The following CADPS2 variants were observed in gnomAD, a reference collection of about 807,000 sequenced individuals.
CADPS2 encodes the protein calcium-dependent secretion activator 2.
A neutral mutation model predicts 172.5 loss-of-function variants in CADPS2; 93 were observed. That is an observed-to-expected ratio of 0.54 (90% CI 0.46 to 0.64). CADPS2 has a LOEUF of 0.64. CADPS2 is among the 30% of genes least tolerant of loss of function. CADPS2 has a pLI of 0.00. For missense variants in CADPS2, 1,420 were observed against 1,565.9 expected (o/e 0.91, Z 1.57); for synonymous variants, 546 against 555.2 (o/e 0.98, Z 0.23).
intron 22 of CADPS2, among the ~76,000 whole-genome samples, chr7:122,390,355 C>A (rs746361739): frequency 1.3e-5 from 2 of 152,012 alleles, no homozygotes; most frequent in Non-Finnish European, 2.9e-5. Flanking sequence ...CAAAATCTCC[C>A]TTCACATCCA....
chr7:122,554,333 A>G (rs2064735799), intron 8 of CADPS2, among the ~76,000 whole-genome samples: 1 of 152,122 alleles, frequency 6.6e-6, no homozygotes, highest in South Asian at 2.1e-4. Context: ...ATATCGTGGT[A>G]GCTCGCATAC....
chr7:122,516,552 T>C (rs945411857), intron 8 of CADPS2, among the ~76,000 whole-genome samples: 3 of 151,192 alleles, frequency 2.0e-5, no homozygotes, highest in African/African-American at 7.3e-5. Flanking sequence ...AGTAAATACA[T>C]GAAGAAGGAA....
At chr7:122,779,306 C>G (rs544242900) in intron 1 of CADPS2, among the ~76,000 whole-genome samples, 3 of 152,280 alleles carry the variant, frequency 2.0e-5, no homozygotes, top group Non-Finnish European at 4.4e-5. Flanking sequence ...CTTCAGGCTG[C>G]AGGCCAACTA....
chr7:122,626,975 ACTGTT>A (rs969117818), intron 4 of CADPS2, among the ~76,000 whole-genome samples: 6 of 152,120 alleles, frequency 3.9e-5, no homozygotes, highest in African/African-American at 1.4e-4. Flanking sequence ...CTGTAGTTTC[ACTGTT>A]ATTATATTGT....
chr7:122,541,275 C>A (rs1227400053), intron 8 of CADPS2, among the ~76,000 whole-genome samples: 2 of 149,640 alleles, frequency 1.3e-5, no homozygotes, highest in East Asian at 3.9e-4. Flanking sequence ...CGGCTCACTG[C>A]AACCTCCACC....
At chr7:122,722,273 G>C (rs2090511058) in intron 2 of CADPS2, among the ~76,000 whole-genome samples, 1 of 152,058 alleles carries the variant, frequency 6.6e-6, no homozygotes, top group African/African-American at 2.4e-5. Flanking sequence ...CAGATGACAT[G>C]ATTGTATATC....
At chr7:122,666,741 T>C (rs2081233227) in intron 2 of CADPS2, among the ~76,000 whole-genome samples, 1 of 152,162 alleles carries the variant, frequency 6.6e-6, no homozygotes, top group Admixed American at 6.5e-5. Flanking sequence ...CCTGAAGGCA[T>C]GTGGCAGCAA....
In CADPS2 at chr7:122,575,811, GT is replaced by G. The variant is rs2067965244; in HGVS notation, c.1335+5367del. 2.0e-5 allele frequency among the ~76,000 whole-genome samples: 3 copies of G among 152,188 alleles called. No homozygotes were observed. The East Asian group carries it at 5.8e-4, about 29-fold the overall frequency. On this transcript the variant is annotated intron_variant, in intron 7 of 29. Coordinates refer to ENST00000449022, the MANE Select transcript of CADPS2 (RefSeq NM_017954.11). Reference sequence around the variant, plus strand: ...TTTAAAAGCCTTTTTTATTATAAATGTTTATAATAAACACTATAGACGTTTT... The same window carrying G: ...TTTAAAAGCCTTTTTTATTATAAATGTTATAATAAACACTATAGACGTTTT...
intron 1 of CADPS2, among the ~76,000 whole-genome samples, chr7:122,840,602 G>A (rs1036284701): frequency 3.3e-5 from 5 of 151,376 alleles, no homozygotes; most frequent in Admixed American, 2.0e-4. Context: ...AAAAACTTAG[G>A]GTAGGCCGAA....
At position 122,886,216 on chromosome 7, in the gene CADPS2, C is replaced by G. The variant is rs1290345271; in HGVS notation, c.122G>C (p.Arg41Pro). The change falls in exon 1 of 30, where the codon CGG becomes CCG. Residue 41 changes from arginine to proline, a missense_variant. Coordinates refer to ENST00000449022, the MANE Select transcript of CADPS2 (RefSeq NM_017954.11). Reference sequence around the variant, plus strand: ...GCCCGCGCGCCCCGGCGCGTCCCGCCGCCCTTCCCGAGTCGGGGCTGGAGG... The same window carrying G: ...GCCCGCGCGCCCCGGCGCGTCCCGCGGCCCTTCCCGAGTCGGGGCTGGAGG... ...RAPPAPTREG[R>P]RDAPGRAGGG... 1 of 1,476,610 alleles carries G rather than the reference C, an allele frequency of 6.8e-7. No homozygotes were observed. The highest frequency in any genetic ancestry group is 1.4e-5 in the South Asian group (1 of 73,772). 91.5% of individuals were successfully genotyped at this position (1,476,610 alleles called of 1,614,324 possible).
intron 3 of CADPS2, among the ~76,000 whole-genome samples, chr7:122,654,358 A>C (rs1350228621): frequency 6.6e-6 from 1 of 152,236 alleles, no homozygotes; most frequent in Non-Finnish European, 1.5e-5. Flanking sequence ...GGGTTTTCAT[A>C]GCTACTGAGA....
intron 14 of CADPS2, among the ~76,000 whole-genome samples, chr7:122,460,748 A>C (rs769058520): frequency 1.0e-3 from 157 of 152,318 alleles, no homozygotes; most frequent in Non-Finnish European, 1.1e-3. Flanking sequence ...CAAACCAAGA[A>C]AGGAAAAAGA....
intron 8 of CADPS2, among the ~76,000 whole-genome samples, chr7:122,542,600 T>C (rs570742084): frequency 6.6e-6 from 1 of 152,302 alleles, no homozygotes; most frequent in Non-Finnish European, 1.5e-5. Flanking sequence ...GATAACTTTA[T>C]CTATATTCTT....
At chr7:122,692,674 T>A in intron 2 of CADPS2, among the ~76,000 whole-genome samples, 1 of 152,190 alleles carries the variant, frequency 6.6e-6, no homozygotes, top group Non-Finnish European at 1.5e-5. Flanking sequence ...ACTGTCAGGT[T>A]CATGAGTACA....
rs371698040 is a variant in CADPS2 at position 122,679,872 on chromosome 7, C to G, written c.454-16303G>C. Among the ~76,000 whole-genome samples, 7 of 152,180 alleles carry G rather than the reference C, an allele frequency of 4.6e-5. No individual in the cohort carries two copies. The East Asian group carries it at 7.7e-4, about 17-fold the overall frequency. On this transcript the variant is annotated intron_variant, in intron 2 of 29. Transcript: ENST00000449022. ...TCACAATCCTAATCTTGTGGCCTTT[C>G]ATTAGTTTTACAAAGATGGTTTTTA...
At chr7:122,798,077 A>G (rs887949706) in intron 1 of CADPS2, among the ~76,000 whole-genome samples, 7 of 152,058 alleles carry the variant, frequency 4.6e-5, no homozygotes, top group Admixed American at 3.3e-4. Context: ...GCAAAACTGA[A>G]TAACAGTTTT....
chr7:122,424,862 ATGCTGTC>A (rs1274159339), intron 17 of CADPS2, among the ~76,000 whole-genome samples: 2 of 152,046 alleles, frequency 1.3e-5, no homozygotes, highest in East Asian at 3.9e-4. Flanking sequence ...AAAGTTTTCT[ATGCTGTC>A]TACTTACTTT....
rs1197296877 is a variant in CADPS2 at position 122,541,783 on chromosome 7, ATATATTTATATATT to A, written c.1475+12753_1475+12766del. Among the ~76,000 whole-genome samples the A allele has an allele frequency of 3.0e-3, 320 of 105,102 alleles. 1 individual carries two copies. The East Asian group carries it at 0.039, about 13-fold the overall frequency. 69.0% of individuals were successfully genotyped at this position (105,102 alleles called of 152,430 possible). A position where few individuals can be genotyped will look rare whatever the true frequency, so the allele number is the denominator to read the frequency against. ...TATATTTATATATTCACATATATTC[ATATATTTATATATT>A]CATATATATTTATATATTCATATGT... is the stretch of plus-strand genomic sequence containing the variant. On this transcript the variant is annotated intron_variant, in intron 8 of 29. Coordinates refer to ENST00000449022, the MANE Select transcript of CADPS2 (RefSeq NM_017954.11).
intron 11 of CADPS2, among the ~76,000 whole-genome samples, chr7:122,489,277 C>T (rs1309616292): frequency 6.6e-6 from 1 of 152,134 alleles, no homozygotes; most frequent in Non-Finnish European, 1.5e-5. Flanking sequence ...AGAATAGTTA[C>T]TTGATGCATG....
Sources: gnomAD v4.1 joint callset for allele counts (sites outside exome capture counted in the v4.1 genomes callset) on GRCh38, gnomAD v4.1.1 for gene constraint, MANE v1.5 for transcripts, NCBI Gene and HGNC (gene_info 2026-07-23, HGNC 2026-07-21) for gene names.